The following RBFOX1 variants were observed in gnomAD, a reference collection of about 807,000 sequenced individuals.
RBFOX1 encodes the protein RNA binding fox-1 homolog 1.
A neutral mutation model predicts 57.7 loss-of-function variants in RBFOX1; 8 were observed. The observed-to-expected ratio is 0.14, with a 90% CI of 0.08 to 0.25. The LOEUF (loss-of-function observed/expected upper bound fraction) is 0.25, where lower values mean the gene tolerates loss of function less well. RBFOX1 is among the 10% of genes least tolerant of loss of function. RBFOX1 has a pLI of 1.00. For synonymous variants in RBFOX1, 326 were observed against 222.4 expected (o/e 1.47, Z -4.15); for missense variants, 611 against 548.5 (o/e 1.11, Z -1.14).
chr16:7,672,919 T>G (rs1303086059), intron 13 of RBFOX1, among the ~76,000 whole-genome samples: 1 of 146,196 alleles, frequency 6.8e-6, no homozygotes. Context: ...GAGATAAATT[T>G]TTCATTTTAA....
intron 4 of RBFOX1, among the ~76,000 whole-genome samples, chr16:7,292,738 A>C (rs2095817204): frequency 6.6e-6 from 1 of 151,976 alleles, no homozygotes; most frequent in African/African-American, 2.4e-5. Context: ...CTTACATGTC[A>C]CTCTACTGAA....
chr16:6,346,444 A>C (rs1289300828), intron 2 of RBFOX1, among the ~76,000 whole-genome samples: 2 of 152,192 alleles, frequency 1.3e-5, no homozygotes, highest in Non-Finnish European at 2.9e-5. Flanking sequence ...CAATCACGGC[A>C]GCTCAGCTTC....
At chr16:7,558,381 C>A (rs182322916) in intron 5 of RBFOX1, among the ~76,000 whole-genome samples, 1 of 151,854 alleles carries the variant, frequency 6.6e-6, no homozygotes, top group African/African-American at 2.4e-5. Flanking sequence ...TATATATACA[C>A]GCGCACACAC....
At position 5,842,900 on chromosome 16, in the gene RBFOX1, C is replaced by T. The variant is rs1482816145; in HGVS notation, c.319-24403C>T. Among the ~76,000 whole-genome samples, 3 of 152,166 alleles carry T rather than the reference C, an allele frequency of 2.0e-5. No homozygotes were observed. The East Asian group carries it at 5.8e-4, about 29-fold the overall frequency. ...GTGGCATGATCCTGGCTCACTGCAACCTCCGCCTCTTGGATTCAAGTGATT... is the reference window on the plus strand; with the variant it reads ...GTGGCATGATCCTGGCTCACTGCAATCTCCGCCTCTTGGATTCAAGTGATT... On this transcript the variant is annotated intron_variant, in intron 3 of 19. Coordinates refer to the RBFOX1 transcript ENST00000641259.
intron 2 of RBFOX1, among the ~76,000 whole-genome samples, chr16:6,519,739 A>G (rs1018032230): frequency 1.3e-5 from 2 of 152,076 alleles, no homozygotes; most frequent in African/African-American, 2.4e-5. Flanking sequence ...AGAACTACCA[A>G]TTACCCACCA....
chr16:6,090,980 C>G (rs949152632), intron 1 of RBFOX1, among the ~76,000 whole-genome samples: 27 of 152,218 alleles, frequency 1.8e-4, no homozygotes, highest in African/African-American at 6.5e-4. Flanking sequence ...TGGTACATCC[C>G]ATGCATGTGC....
chr16:7,443,409 C>G (rs906855957), intron 4 of RBFOX1, among the ~76,000 whole-genome samples: 5 of 151,904 alleles, frequency 3.3e-5, no homozygotes, highest in Non-Finnish European at 7.4e-5. Flanking sequence ...TTAATAAGCT[C>G]TGGCTTCAAG....
At chr16:7,624,002 A>G (rs956634100) in intron 10 of RBFOX1, among the ~76,000 whole-genome samples, 2 of 152,218 alleles carry the variant, frequency 1.3e-5, no homozygotes, top group Non-Finnish European at 2.9e-5. Flanking sequence ...AGTGGACTGA[A>G]GGAAGGACTC....
At chr16:6,858,053 G>C (rs2058233449) in intron 3 of RBFOX1, among the ~76,000 whole-genome samples, 1 of 152,168 alleles carries the variant, frequency 6.6e-6, no homozygotes, top group African/African-American at 2.4e-5. Flanking sequence ...TTCATCCCAA[G>C]AATGGCCTTG....
At chr16:7,112,378 A>ATTTT (rs5815373) in intron 4 of RBFOX1, among the ~76,000 whole-genome samples, 3 of 139,356 alleles carry the variant, frequency 2.2e-5, no homozygotes, top group Non-Finnish European at 1.5e-5. Context: ...AATTTTTTGT[A>ATTTT]TTTTTTTTTT....
chr16:7,590,044 T>C (rs2094359156), intron 7 of RBFOX1, among the ~76,000 whole-genome samples: 1 of 151,824 alleles, frequency 6.6e-6, no homozygotes, highest in African/African-American at 2.4e-5. Context: ...GGTGGGAGTA[T>C]TGTATGAAGC....
chr16:7,366,928 A>G (rs930282091), intron 4 of RBFOX1, among the ~76,000 whole-genome samples: 4 of 152,148 alleles, frequency 2.6e-5, no homozygotes, highest in Non-Finnish European at 5.9e-5. Flanking sequence ...AATTTTGAGC[A>G]TGTTTACTCT....
chr16:6,770,541 C>T (rs985942250), intron 3 of RBFOX1, among the ~76,000 whole-genome samples: 4 of 152,062 alleles, frequency 2.6e-5, no homozygotes, highest in Non-Finnish European at 5.9e-5. Context: ...TGCCCCTTTA[C>T]GGAAGATGTT....
chr16:6,005,179 C>T (rs1003916193), intron 4 of RBFOX1, among the ~76,000 whole-genome samples: 3 of 152,076 alleles, frequency 2.0e-5, no homozygotes, highest in Admixed American at 6.6e-5. Context: ...ACTTCAAATG[C>T]GGAAGTTTAT....
chr16:7,397,701 G>A (rs758735476), intron 4 of RBFOX1, among the ~76,000 whole-genome samples: 7 of 152,072 alleles, frequency 4.6e-5, no homozygotes, highest in East Asian at 1.9e-4. Flanking sequence ...GACTGTCCTC[G>A]CCCTCTGGAA....
At chr16:6,821,989 C>T (rs566679626) in intron 3 of RBFOX1, among the ~76,000 whole-genome samples, 32 of 152,228 alleles carry the variant, frequency 2.1e-4, no homozygotes, top group South Asian at 8.3e-4. Flanking sequence ...GATGATACTT[C>T]GCTGACATAC....
At chr16:5,958,050 G>A (rs1476868084) in intron 4 of RBFOX1, among the ~76,000 whole-genome samples, 1 of 151,962 alleles carries the variant, frequency 6.6e-6, no homozygotes, top group Admixed American at 6.6e-5. Context: ...GATTTGATGG[G>A]CATCTTTAGA....
chr16:7,114,541 C>A (rs952963058), intron 4 of RBFOX1, among the ~76,000 whole-genome samples: 2 of 152,196 alleles, frequency 1.3e-5, no homozygotes, highest in African/African-American at 4.8e-5. Context: ...GAAAGTGACA[C>A]CATGAGCCTA....
chr16:7,594,915 C>T (rs1355298384), intron 7 of RBFOX1, among the ~76,000 whole-genome samples: 1 of 152,126 alleles, frequency 6.6e-6, no homozygotes, highest in Non-Finnish European at 1.5e-5. Context: ...CTGTTCATTT[C>T]ATGTGACTTT....
Sources: gnomAD v4.1 joint callset for allele counts (sites outside exome capture counted in the v4.1 genomes callset) on GRCh38, gnomAD v4.1.1 for gene constraint, MANE v1.5 for transcripts, NCBI Gene and HGNC (gene_info 2026-07-23, HGNC 2026-07-21) for gene names.